Variants in SLC35F3 observed in about 807,000 individuals in gnomAD.
The protein encoded by SLC35F3 is putative thiamine transporter SLC35F3.
SLC35F3 carries 25 observed loss-of-function variants against 49.9 expected under a neutral mutation model. That is an observed-to-expected ratio of 0.50 (90% CI 0.37 to 0.70). The LOEUF (loss-of-function observed/expected upper bound fraction) is 0.70. Ranked by LOEUF, SLC35F3 falls within the 30% of genes least tolerant of loss-of-function variation. The pLI, the probability that SLC35F3 is intolerant of heterozygous loss-of-function variation, is 0.00. For synonymous variants in SLC35F3, 275 were observed against 265.4 expected, an observed-to-expected ratio of 1.04 and a Z score of -0.35; for missense variants, 525 against 639.8, an observed-to-expected ratio of 0.82 and a Z score of 1.94.
At chr1:234,130,388 CCCAGCACTT>C (rs1665715839) in intron 2 of SLC35F3, among the ~76,000 whole-genome samples, 2 of 151,868 alleles carry the variant, frequency 1.3e-5, no homozygotes, top group Non-Finnish European at 2.9e-5. Context: ...TGCCTGTAAT[CCCAGCACTT>C]TGGGAGGCCG....
intron 2 of SLC35F3, among the ~76,000 whole-genome samples, chr1:234,005,839 C>A (rs897300417): frequency 2.0e-5 from 3 of 152,096 alleles, no homozygotes; most frequent in African/African-American, 7.2e-5. Context: ...GGAAAGACTA[C>A]GAAGCATTAG....
chr1:234,131,945 A>G (rs1665742887), intron 2 of SLC35F3, among the ~76,000 whole-genome samples: 1 of 152,224 alleles, frequency 6.6e-6, no homozygotes, highest in African/African-American at 2.4e-5. Context: ...TGTTTATTCT[A>G]GACTATGTAT....
chr1:234,029,537 A>T (rs138312524), intron 2 of SLC35F3, among the ~76,000 whole-genome samples: 2 of 152,120 alleles, frequency 1.3e-5, no homozygotes, highest in African/African-American at 4.8e-5. Context: ...AGAAAGCTAG[A>T]TGTGGTTTGG....
chr1:234,214,061 T>C lies in SLC35F3; in HGVS notation c.284-17356T>C. 9.4e-6 allele frequency: 5 copies of C among 532,412 alleles called. No homozygotes were observed. The highest frequency in any genetic ancestry group is 1.2e-5 in the Non-Finnish European group (5 of 413,122). 33.0% of individuals were successfully genotyped at this position (532,412 alleles called of 1,614,324 possible). A position where few individuals can be genotyped will look rare whatever the true frequency, so the allele number is the denominator to read the frequency against. On this transcript the variant is annotated intron_variant, in intron 2 of 7. Coordinates refer to ENST00000366618, the MANE Select transcript of SLC35F3 (RefSeq NM_173508.4). The surrounding 1 kb of genome is among the most constrained non-coding windows in gnomAD (Gnocchi z 8.0). Reference sequence around the variant, plus strand: ...CTCCCCTCCGCAGGCGCTGGTCCTTTTAAAGGGCTTCTCAGAGAGGTGGTG... The same window carrying C: ...CTCCCCTCCGCAGGCGCTGGTCCTTCTAAAGGGCTTCTCAGAGAGGTGGTG...
chr1:234,170,490 C>T (rs950912822), intron 2 of SLC35F3, among the ~76,000 whole-genome samples: 8 of 152,052 alleles, frequency 5.3e-5, no homozygotes, highest in African/African-American at 1.9e-4. Context: ...GGTCAGGTCA[C>T]CTGCTGGCAG....
intron 3 of SLC35F3, among the ~76,000 whole-genome samples, chr1:234,284,364 G>A (rs1668377535): frequency 6.6e-6 from 1 of 152,210 alleles, no homozygotes; most frequent in Non-Finnish European, 1.5e-5. Context: ...CTATGCACAA[G>A]ACAACTGTTT....
At chr1:234,290,340 T>C (rs971026873) in intron 3 of SLC35F3, among the ~76,000 whole-genome samples, 11 of 152,222 alleles carry the variant, frequency 7.2e-5, no homozygotes, top group Non-Finnish European at 1.3e-4. Flanking sequence ...AATGATATGA[T>C]ATAAATTTTT....
chr1:234,054,488 A>ATT (rs1423150863), intron 2 of SLC35F3, among the ~76,000 whole-genome samples: 1 of 152,194 alleles, frequency 6.6e-6, no homozygotes, highest in Non-Finnish European at 1.5e-5. Flanking sequence ...TTTCAACTCC[A>ATT]TCAGGTCATT....
At chr1:234,316,362 G>T (rs542592695) in intron 4 of SLC35F3, among the ~76,000 whole-genome samples, 1 of 152,312 alleles carries the variant, frequency 6.6e-6, no homozygotes, top group East Asian at 1.9e-4. Context: ...ATTCCCTGCT[G>T]CCAGCAGTTT....
intron 3 of SLC35F3, among the ~76,000 whole-genome samples, chr1:234,290,454 A>G (rs1439524682): frequency 6.6e-6 from 1 of 152,254 alleles, no homozygotes. Context: ...GTATACTCCC[A>G]CACATGCAGG....
chr1:234,196,797 C>T (rs1241489026), intron 2 of SLC35F3, among the ~76,000 whole-genome samples: 1 of 152,194 alleles, frequency 6.6e-6, no homozygotes, highest in African/African-American at 2.4e-5. Context: ...CAAAAATTAG[C>T]CAGGCGTGGT....
chr1:234,243,427 G>A (rs1379065546), intron 3 of SLC35F3, among the ~76,000 whole-genome samples: 1 of 152,188 alleles, frequency 6.6e-6, no homozygotes. Context: ...ATAACCGACT[G>A]TTATTAAAGT....
intron 2 of SLC35F3, among the ~76,000 whole-genome samples, chr1:233,981,307 G>C (rs368283902): frequency 6.6e-6 from 1 of 152,106 alleles, no homozygotes; most frequent in Non-Finnish European, 1.5e-5. Flanking sequence ...TCACAGTCAC[G>C]CTTACTCCTT....
At chr1:234,191,209 C>T (rs55652927) in intron 2 of SLC35F3, among the ~76,000 whole-genome samples, 5,622 of 152,202 alleles carry the variant, frequency 0.037, 139 homozygotes, top group Non-Finnish European at 0.058. Context: ...CAAAACAAGT[C>T]TCAATAAATT....
At chr1:234,033,969 G>GTGAA (rs1664103939) in intron 2 of SLC35F3, among the ~76,000 whole-genome samples, 1 of 152,142 alleles carries the variant, frequency 6.6e-6, no homozygotes, top group Non-Finnish European at 1.5e-5. Flanking sequence ...TCACAATATT[G>GTGAA]AGTCTGTCCA....
chr1:233,948,546 CTTTT>C (rs199796352), intron 2 of SLC35F3, among the ~76,000 whole-genome samples: 3 of 143,670 alleles, frequency 2.1e-5, no homozygotes, highest in African/African-American at 7.7e-5. Context: ...TAAGGCGTTT[CTTTT>C]TTTTTTTTCT....
intron 3 of SLC35F3, chr1:234,274,035 A>G (rs1261793207): frequency 6.6e-6 from 1 of 152,222 alleles, no homozygotes; most frequent in Non-Finnish European, 1.5e-5. Context: ...AAAAGGAAAA[A>G]CAGATACAAA....
chr1:234,262,440 A>G (rs1276213506), intron 3 of SLC35F3, among the ~76,000 whole-genome samples: 2 of 152,152 alleles, frequency 1.3e-5, no homozygotes, highest in Non-Finnish European at 2.9e-5. Context: ...AGTGCCTGGC[A>G]TGTGGTTGGC....
intron 2 of SLC35F3, among the ~76,000 whole-genome samples, chr1:233,911,203 ATACCGG>A (rs1661868538): frequency 6.6e-6 from 1 of 152,226 alleles, no homozygotes; most frequent in Admixed American, 6.5e-5. Flanking sequence ...GCTGGCGTAG[ATACCGG>A]TGCTAAATGG....
Sources: allele counts gnomAD v4.1 joint callset (sites outside exome capture counted in the v4.1 genomes callset), GRCh38; gene constraint gnomAD v4.1.1; non-coding constraint Gnocchi (gnomAD v3.1); transcripts MANE v1.5; gene names NCBI Gene and HGNC (gene_info 2026-07-23, HGNC 2026-07-21).